The following GAB4 variants were observed in gnomAD, a reference collection of about 807,000 sequenced individuals.
GAB4 encodes GRB2 associated binding protein family member 4, also known as GRB2-associated-binding protein 4.
In GAB4, 26 loss-of-function variants were observed where a neutral mutation model predicts 51.3. The observed-to-expected ratio is 0.51, with a 90% CI of 0.37 to 0.70. GAB4 has a LOEUF of 0.70. GAB4 is among the 30% of genes least tolerant of loss of function. The probability of loss-of-function intolerance (pLI) is 0.00; values close to 1 mark genes in which losing one functional copy is unlikely to be tolerated. For missense variants in GAB4, 759 were observed against 734.6 expected, an observed-to-expected ratio of 1.03 and a Z score of -0.38; for synonymous variants, 329 against 291.2, an observed-to-expected ratio of 1.13 and a Z score of -1.32.
intron 3 of GAB4, among the ~76,000 whole-genome samples, chr22:16,982,250 G>T (rs1360840759): frequency 1.3e-5 from 2 of 152,156 alleles, no homozygotes; most frequent in Non-Finnish European, 2.9e-5. Context: ...GTCCTTGTTT[G>T]CAGACAATAT....
chr22:16,973,503 G>C (rs2060750630), intron 3 of GAB4, among the ~76,000 whole-genome samples: 3 of 152,106 alleles, frequency 2.0e-5, no homozygotes, highest in African/African-American at 7.2e-5. Context: ...CCTTACTCCA[G>C]CTCAGATACT....
chr22:16,993,410 T>C (rs2060928269), intron 1 of GAB4, among the ~76,000 whole-genome samples: 1 of 152,182 alleles, frequency 6.6e-6, no homozygotes, highest in Non-Finnish European at 1.5e-5. Flanking sequence ...CATTGGGTTA[T>C]TATCACAACT....
chr22:16,981,810 A>G (rs2060829551), intron 3 of GAB4, among the ~76,000 whole-genome samples: 1 of 152,174 alleles, frequency 6.6e-6, no homozygotes, highest in South Asian at 2.1e-4. Context: ...ATACAACAAA[A>G]AAAGAAAACA....
Position 16,992,024 on chromosome 22 carries a change from G to A in GAB4, c.327C>T (p.Asn109=). 2 of 1,614,224 alleles carry A rather than the reference G, an allele frequency of 1.2e-6. No individual in the cohort carries two copies. The highest frequency in any genetic ancestry group is 4.5e-5 in the East Asian group (2 of 44,876). ...CEQLDVDVTL[N]FNKKEIQKGY... is the part of the protein sequence containing the mutation. The stretch of plus-strand genomic sequence containing the variant: ...CCTTCTGAATCTCCTTCTTGTTGAA[G>A]TTCAGAGTCACATCAACATCCAGCT... Residue 109 remains asparagine, a synonymous_variant, in exon 2 of 10, where the codon AAC becomes AAT. Transcript: ENST00000400588.
intron 1 of GAB4, among the ~76,000 whole-genome samples, chr22:17,003,750 T>G (rs2061016867): frequency 6.6e-6 from 1 of 152,026 alleles, no homozygotes; most frequent in African/African-American, 2.4e-5. Context: ...ATTGACACCC[T>G]AACATCAAAA....
intron 3 of GAB4, among the ~76,000 whole-genome samples, chr22:16,977,929 T>A (rs2060793136): frequency 6.6e-6 from 1 of 152,102 alleles, no homozygotes; most frequent in Non-Finnish European, 1.5e-5. Flanking sequence ...CTGAATTTAT[T>A]TACTGGGTAA....
chr22:16,976,656 G>A (rs544449924), intron 3 of GAB4, among the ~76,000 whole-genome samples: 1 of 151,978 alleles, frequency 6.6e-6, no homozygotes, highest in Non-Finnish European at 1.5e-5. Context: ...TCAAATTCAG[G>A]AAATACAGAG....
chr22:16,970,740 A>G (rs771382428), intron 3 of GAB4, among the ~76,000 whole-genome samples: 1 of 152,200 alleles, frequency 6.6e-6, no homozygotes, highest in African/African-American at 2.4e-5. Context: ...ATGGGTGTCA[A>G]TGGGTAAGTT....
intron 2 of GAB4, among the ~76,000 whole-genome samples, chr22:16,989,211 G>C (rs1272161791): frequency 5.9e-5 from 9 of 152,224 alleles, no homozygotes; most frequent in Admixed American, 5.9e-4. Context: ...AAAACTTCTT[G>C]TTCAAAAGAA....
intron 2 of GAB4, among the ~76,000 whole-genome samples, chr22:16,989,275 T>A (rs2060893731): frequency 6.6e-6 from 1 of 152,142 alleles, no homozygotes; most frequent in South Asian, 2.1e-4. Flanking sequence ...TGGGGTTATG[T>A]TTGGGTGGTG....
In GAB4 at chr22:16,970,194, C is replaced by G. The variant is rs1429053796; in HGVS notation, c.687-1G>C. The stretch of plus-strand genomic sequence containing the variant: ...AGAACCCTGGGAGAAGCTGGCACTC[C>G]TAAGAGAGAGAAAGAAGGGAAGGGG... On this transcript the variant is annotated splice_acceptor_variant, in intron 3 of 9. Transcript: ENST00000400588. LOFTEE classifies it high-confidence loss of function. 2.5e-6 allele frequency: 4 copies of G among 1,613,630 alleles called. No homozygotes were observed. In the Admixed American group the frequency reaches 6.7e-5, roughly 27 times the overall value.
chr22:17,002,181 C>T (rs369699841), intron 1 of GAB4, among the ~76,000 whole-genome samples: 99 of 152,284 alleles, frequency 6.5e-4, no homozygotes, highest in Non-Finnish European at 1.1e-3. Context: ...TGAGATGAAC[C>T]CAGTGCCTCA....
chr22:16,965,619 C>A (rs553939163), intron 6 of GAB4, among the ~76,000 whole-genome samples: 1 of 152,360 alleles, frequency 6.6e-6, no homozygotes, highest in Admixed American at 6.5e-5. Flanking sequence ...CCCATGCCTG[C>A]CCCTGCTTGC....
At chr22:16,972,562 C>A (rs1274039358) in intron 3 of GAB4, among the ~76,000 whole-genome samples, 2 of 152,120 alleles carry the variant, frequency 1.3e-5, no homozygotes, top group Non-Finnish European at 2.9e-5. Context: ...CCTCAGGTGT[C>A]CTGCGGTAAT....
rs762160304 is a variant in GAB4, at chr22:16,962,790, C to A, written c.1668G>T (p.Met556Ile). The change falls in exon 10 of 10, where the codon ATG becomes ATT. Residue 556 changes from methionine to isoleucine, a missense_variant. Around this residue, in one of 3 missense-constraint regions of GAB4, gnomAD observed 588 missense variants for 510.2 expected, o/e 1.15. Coordinates refer to ENST00000400588, the MANE Select transcript of GAB4 (RefSeq NM_001037814.1). ...LEKTQALQKTMHEQMCLRQSS... is the reference protein window; with the variant it reads ...LEKTQALQKTIHEQMCLRQSS... ...ACTGCCGCAGGCACATCTGTTCATG[C>A]ATGGTCTTCTGCAGGGCCTGGGTCT... 4.3e-6 allele frequency: 7 copies of A among 1,613,608 alleles called. No individual in the cohort carries two copies. The Admixed American group carries it at 1.2e-4, about 27-fold the overall frequency.
At position 16,963,791 on chromosome 22, in the gene GAB4, G is replaced by C. The variant is rs749964307; in HGVS notation, c.1515C>G (p.Ser505Arg). 4 of 1,613,954 alleles carry C rather than the reference G, an allele frequency of 2.5e-6. No homozygotes were observed. The South Asian group carries it at 4.4e-5, about 18-fold the overall frequency. Residue 505 changes from serine to arginine, a missense_variant, in exon 9 of 10, where the codon AGC becomes AGG. By Grantham distance (110) the Ser-to-Arg change is moderately radical. Coordinates refer to ENST00000400588, the MANE Select transcript of GAB4 (RefSeq NM_001037814.1). ...ASAFPVSGGT[S>R]SSAPPRSTGN... is the part of the protein sequence containing the mutation. Reference sequence around the variant, plus strand: ...CAGTGCTCCTCGGCGGGGCTGAACTGCTGGTGCCACCGGAAACAGGAAATG... The same window carrying C: ...CAGTGCTCCTCGGCGGGGCTGAACTCCTGGTGCCACCGGAAACAGGAAATG...
intron 3 of GAB4, among the ~76,000 whole-genome samples, chr22:16,978,537 T>C (rs542228239): frequency 3.3e-5 from 5 of 152,282 alleles, no homozygotes; most frequent in South Asian, 2.1e-4. Flanking sequence ...GAGGCAGTAA[T>C]TAATCGCCTA....
At chr22:16,963,299 G>T (rs941402686) in intron 9 of GAB4, among the ~76,000 whole-genome samples, 1 of 152,186 alleles carries the variant, frequency 6.6e-6, no homozygotes, top group African/African-American at 2.4e-5. Flanking sequence ...TAGACAGGCT[G>T]GCTACATGTG....
At chr22:16,976,721 G>C (rs1474289275) in intron 3 of GAB4, among the ~76,000 whole-genome samples, 1 of 152,110 alleles carries the variant, frequency 6.6e-6, no homozygotes, top group Non-Finnish European at 1.5e-5. Context: ...ATAATTGTCA[G>C]ATTCAGCAAG....
Sources: gnomAD v4.1 joint callset for allele counts (sites outside exome capture counted in the v4.1 genomes callset) on GRCh38, gnomAD v4.1.1 for gene constraint, gnomAD v4.1.1 regional missense constraint, MANE v1.5 for transcripts, NCBI Gene and HGNC (gene_info 2026-07-23, HGNC 2026-07-21) for gene names.